The following LAMA2 variants were observed in gnomAD, a reference collection of about 807,000 sequenced individuals.
LAMA2 encodes the protein laminin subunit alpha 2.
Under a neutral mutation model 364.8 loss-of-function variants are expected in LAMA2, and 269 were observed. The ratio of observed to expected loss-of-function variants is 0.74; its 90% CI spans 0.67 to 0.82. The LOEUF (loss-of-function observed/expected upper bound fraction) is 0.82. Among genes scored for constraint, LAMA2 ranks in the 40% least tolerant of loss-of-function variants. LAMA2 has a pLI of 0.00. For synonymous variants in LAMA2, 1,379 were observed against 1,370.6 expected (o/e 1.01, Z -0.14); for missense variants, 3,807 against 3,873.2 (o/e 0.98, Z 0.45).
intron 1 of LAMA2, among the ~76,000 whole-genome samples, chr6:128,948,455 C>G (rs1780612153): frequency 6.6e-6 from 1 of 152,182 alleles, no homozygotes. Context: ...AAGACTATCA[C>G]TACCACTTCT....
intron 2 of LAMA2, among the ~76,000 whole-genome samples, chr6:129,056,792 G>A (rs955187686): frequency 3.9e-5 from 6 of 152,014 alleles, no homozygotes; most frequent in Non-Finnish European, 7.4e-5. Flanking sequence ...GTGCAATGGC[G>A]TGATCTTGGC....
chr6:129,079,631 T>C lies in LAMA2; in HGVS notation c.397-18542T>C, dbSNP rs140179905. 5.2e-3 allele frequency among the ~76,000 whole-genome samples: 796 copies of C among 152,168 alleles called. 8 individuals are homozygous for C. Among genetic ancestry groups the C allele is most frequent in the African/African-American group, 0.018 (759 of 41,522 alleles). On this transcript the variant is annotated intron_variant, in intron 3 of 64. Transcript: ENST00000421865. ...GTGGTTCATATTTTCAGTCATCGTTTCCCAGTATTTCTTGAGACAATTTTG... is the reference window on the plus strand; with the variant it reads ...GTGGTTCATATTTTCAGTCATCGTTCCCCAGTATTTCTTGAGACAATTTTG...
At chr6:129,475,346 T>C (rs1383911483) in intron 52 of LAMA2, 44 bp from the exon 53 acceptor site, 9 of 1,127,770 alleles carry the variant, frequency 8.0e-6, no homozygotes, top group Non-Finnish European at 1.2e-5. Context: ...TATAAGTAAA[T>C]TGTTTTTATT....
intron 40 of LAMA2, among the ~76,000 whole-genome samples, chr6:129,421,645 C>G (rs746868915): frequency 2.6e-5 from 4 of 152,092 alleles, no homozygotes; most frequent in African/African-American, 9.7e-5. Context: ...GCTTTTCACC[C>G]ATAACATGTT....
At chr6:129,303,868 AT>A (rs59749829) in intron 22 of LAMA2, among the ~76,000 whole-genome samples, 1 of 152,018 alleles carries the variant, frequency 6.6e-6, no homozygotes, top group Non-Finnish European at 1.5e-5. Flanking sequence ...GTATGAACTT[AT>A]TTTTCTTGTA....
chr6:129,205,493 T>TATATATATATATATAC lies in LAMA2; in HGVS notation c.1782+12641_1782+12642insTATATATATATATACA, dbSNP rs1343472728. Among the ~76,000 whole-genome samples, 94 of 104,240 alleles carry TATATATATATATATAC rather than the reference T, an allele frequency of 9.0e-4. 2 individuals carry two copies. The highest frequency in any genetic ancestry group is 4.8e-3 in the African/African-American group (87 of 18,186). 68.4% of individuals were successfully genotyped at this position (104,240 alleles called of 152,430 possible). On this transcript the variant is annotated intron_variant, in intron 12 of 64. Transcript: ENST00000421865. ...TATTCTGTAAGTATATATATATATA[T>TATATATATATATATAC]ACACACACACACACACACACACACA...
At position 129,296,739 on chromosome 6, in the gene LAMA2, C is replaced by T. The variant is rs571784721; in HGVS notation, c.2857-946C>T. On this transcript the variant is annotated intron_variant, in intron 20 of 64. Transcript: ENST00000421865. Reference sequence around the variant, plus strand: ...ATTATTTTTACAAAGAAGTAATTACCGAGAATAATTTTCCAGATTAAAATA... The same window carrying T: ...ATTATTTTTACAAAGAAGTAATTACTGAGAATAATTTTCCAGATTAAAATA... Among the ~76,000 whole-genome samples the T allele has an allele frequency of 8.6e-5, 13 of 151,544 alleles. No homozygotes were observed. In the South Asian group the frequency reaches 1.9e-3, roughly 22 times the overall value.
intron 1 of LAMA2, among the ~76,000 whole-genome samples, chr6:128,996,105 T>G (rs1783923890): frequency 6.6e-6 from 1 of 152,208 alleles, no homozygotes; most frequent in Non-Finnish European, 1.5e-5. Flanking sequence ...GTAAGTGCTA[T>G]GAAGGAATTA....
In LAMA2 at chr6:129,491,937, CA is replaced by C. The variant is rs767707787; in HGVS notation, c.7936del (p.Met2646CysfsTer4). ...TVQVDENRRY[M>X]QNLTVEQPIE... ...TTCAAGTGGATGAAAACAGAAGATACATGCAAAACCTGACAGTTGAACAGCC... is the reference window on the plus strand; with the variant it reads ...TTCAAGTGGATGAAAACAGAAGATACTGCAAAACCTGACAGTTGAACAGCC... On this transcript the variant is annotated frameshift_variant, in exon 57 of 65. Transcript: ENST00000421865. LOFTEE classifies it high-confidence loss of function. 1 of 1,613,686 alleles carries C rather than the reference CA, an allele frequency of 6.2e-7. No homozygotes were observed. Among genetic ancestry groups the C allele is most frequent in the South Asian group, 1.1e-5 (1 of 91,040 alleles).
intron 23 of LAMA2, 64 bp from the exon 24 acceptor site, chr6:129,314,590 TC>T: frequency 6.7e-7 from 1 of 1,497,436 alleles, no homozygotes; most frequent in Non-Finnish European, 9.3e-7. Flanking sequence ...CGTTATGCAT[TC>T]TCAGGGTGAT....
At chr6:129,122,158 G>A (rs1342087163) in intron 4 of LAMA2, among the ~76,000 whole-genome samples, 1 of 152,148 alleles carries the variant, frequency 6.6e-6, no homozygotes, top group Non-Finnish European at 1.5e-5. Flanking sequence ...ACTCTTTGTA[G>A]ACCTTCCATC....
chr6:128,972,731 A>T (rs1264693541), intron 1 of LAMA2, among the ~76,000 whole-genome samples: 2 of 151,930 alleles, frequency 1.3e-5, no homozygotes, highest in African/African-American at 2.4e-5. Context: ...ATGCCAGATT[A>T]AAAAAAATGA....
At chr6:129,196,039 C>G (rs1001449053) in intron 12 of LAMA2, among the ~76,000 whole-genome samples, 1 of 152,174 alleles carries the variant, frequency 6.6e-6, no homozygotes, top group African/African-American at 2.4e-5. Flanking sequence ...TTGAAATTCT[C>G]TCTCTGAATA....
At chr6:129,178,321 T>C (rs1253980439) in intron 10 of LAMA2, among the ~76,000 whole-genome samples, 2 of 152,160 alleles carry the variant, frequency 1.3e-5, no homozygotes, top group African/African-American at 4.8e-5. Context: ...ATTTTTCTGT[T>C]CAATTATAAA....
chr6:129,180,520 AGAG>A (rs1780867466), intron 10 of LAMA2, among the ~76,000 whole-genome samples: 1 of 152,222 alleles, frequency 6.6e-6, no homozygotes, highest in South Asian at 2.1e-4. Context: ...ATTTTTAAAA[AGAG>A]CTTCATTAGG....
chr6:129,071,735 A>C (rs1472705162), intron 3 of LAMA2, among the ~76,000 whole-genome samples: 1 of 152,022 alleles, frequency 6.6e-6, no homozygotes, highest in Non-Finnish European at 1.5e-5. Flanking sequence ...TTTTGTTGTT[A>C]TTCCTTTCCT....
chr6:129,100,118 T>A (rs189565802), intron 4 of LAMA2, among the ~76,000 whole-genome samples: 1 of 152,346 alleles, frequency 6.6e-6, no homozygotes, highest in Non-Finnish European at 1.5e-5. Flanking sequence ...GTAACATGCG[T>A]GTCACAAGCA....
chr6:129,251,068 CTCTCTCTCTATA>C (rs1270008072), intron 13 of LAMA2, among the ~76,000 whole-genome samples: 181 of 68,496 alleles, frequency 2.6e-3, no homozygotes, highest in Middle Eastern at 6.7e-3. Flanking sequence ...CTCTCTCTCT[CTCTCTCTCTATA>C]TATATATATA....
intron 12 of LAMA2, among the ~76,000 whole-genome samples, chr6:129,208,818 G>C (rs1268309267): frequency 2.6e-5 from 4 of 152,082 alleles, no homozygotes; most frequent in Admixed American, 2.6e-4. Flanking sequence ...AAATGCAGCA[G>C]GAAAGGAAAA....
Sources: allele counts gnomAD v4.1 joint callset (sites outside exome capture counted in the v4.1 genomes callset), GRCh38; gene constraint gnomAD v4.1.1; transcripts MANE v1.5; gene names NCBI Gene and HGNC (gene_info 2026-07-23, HGNC 2026-07-21).